Variants in ACTR3C observed in about 807,000 individuals in gnomAD.
The protein encoded by ACTR3C is actin-related protein 3C.
In ACTR3C, 18 loss-of-function variants were observed where a neutral mutation model predicts 26.3. The observed-to-expected ratio is 0.68, with a 90% CI of 0.47 to 1.01. The LOEUF is 1.01. ACTR3C is among the 50% of genes least tolerant of loss of function. The probability of loss-of-function intolerance (pLI) is 0.00; values close to 1 mark genes in which losing one functional copy is unlikely to be tolerated. For missense variants in ACTR3C, 184 were observed against 250.7 expected, an observed-to-expected ratio of 0.73 and a Z score of 1.80; for synonymous variants, 55 against 94.5, an observed-to-expected ratio of 0.58 and a Z score of 2.42.
At chr7:150,235,583 A>C in the ACTR3C span, among the ~76,000 whole-genome samples, 5 of 152,256 alleles carry the variant, frequency 3.3e-5, no homozygotes, top group East Asian at 9.6e-4. Flanking sequence ...CCTAACAGGA[A>C]TAAGGAAATC....
the ACTR3C span, among the ~76,000 whole-genome samples, chr7:150,161,930 A>G: frequency 6.6e-5 from 10 of 152,082 alleles, no homozygotes; most frequent in Non-Finnish European, 1.2e-4. Context: ...AACAAAGTCA[A>G]CAGGTTATAA....
At chr7:149,924,792 A>AT in the ACTR3C span, among the ~76,000 whole-genome samples, 458 of 151,354 alleles carry the variant, frequency 3.0e-3, 1 homozygote, top group African/African-American at 1.0e-2. Flanking sequence ...CGCCCAGCTA[A>AT]TTTTTTTGTA....
At chr7:150,048,794 GC>G in the ACTR3C span, among the ~76,000 whole-genome samples, 1 of 152,150 alleles carries the variant, frequency 6.6e-6, no homozygotes, top group Non-Finnish European at 1.5e-5. Context: ...GTCGGACGAC[GC>G]TGGTGAGGAG....
chr7:150,094,900 A>G, the ACTR3C span, among the ~76,000 whole-genome samples: 1 of 148,598 alleles, frequency 6.7e-6, no homozygotes. Context: ...AGAAAACCCT[A>G]CCCACTTCTC....
chr7:150,201,930 C>G, the ACTR3C span, among the ~76,000 whole-genome samples: 1 of 152,096 alleles, frequency 6.6e-6, no homozygotes, highest in South Asian at 2.1e-4. Flanking sequence ...TTCTGCTCTT[C>G]TTGGTAAGTG....
At chr7:150,251,474 C>T (rs1832850652) in intron 6 of ACTR3C, among the ~76,000 whole-genome samples, 1 of 151,916 alleles carries the variant, frequency 6.6e-6, no homozygotes, top group Admixed American at 6.6e-5. Flanking sequence ...AGAATTATAA[C>T]AATATTCAAC....
chr7:150,022,787 A>G, the ACTR3C span, among the ~76,000 whole-genome samples: 3 of 152,092 alleles, frequency 2.0e-5, no homozygotes, highest in East Asian at 5.8e-4. Context: ...AGTATGACCA[A>G]TTGTTTCTGT....
the ACTR3C span, among the ~76,000 whole-genome samples, chr7:150,043,919 C>T: frequency 6.6e-6 from 1 of 152,014 alleles, no homozygotes; most frequent in Admixed American, 6.6e-5. Flanking sequence ...AATGGAAAAC[C>T]AAGGTGGAGG....
the ACTR3C span, among the ~76,000 whole-genome samples, chr7:150,039,935 C>G: frequency 2.4e-4 from 32 of 132,180 alleles, no homozygotes; most frequent in African/African-American, 8.2e-4. Flanking sequence ...TGCAAAGAGC[C>G]AGGGGAGGAA....
At chr7:150,289,772 T>C (rs1255863246) in intron 3 of ACTR3C, among the ~76,000 whole-genome samples, 179 bp from the exon 4 acceptor site, 5 of 152,210 alleles carry the variant, frequency 3.3e-5, no homozygotes, top group Non-Finnish European at 7.3e-5. Flanking sequence ...GGACTGCATA[T>C]GCAATTCCAT....
the ACTR3C span, among the ~76,000 whole-genome samples, chr7:150,125,466 T>G: frequency 1.5e-5 from 2 of 134,102 alleles, no homozygotes; most frequent in African/African-American, 5.6e-5. Context: ...TCCCAGGTAC[T>G]CTGTGGGGGT....
At chr7:150,159,702 A>G in the ACTR3C span, among the ~76,000 whole-genome samples, 31 of 152,326 alleles carry the variant, frequency 2.0e-4, no homozygotes, top group African/African-American at 7.5e-4. Context: ...TACCCTGGAC[A>G]CTATTTTTCT....
At chr7:149,907,484 C>T in the ACTR3C span, among the ~76,000 whole-genome samples, 1 of 59,660 alleles carries the variant, frequency 1.7e-5, no homozygotes. Context: ...TCTCTTCTCT[C>T]TCTCTCTCTC....
At chr7:149,994,798 G>A in the ACTR3C span, among the ~76,000 whole-genome samples, 3 of 151,226 alleles carry the variant, frequency 2.0e-5, no homozygotes, top group African/African-American at 7.3e-5. Context: ...AATGAGTGAC[G>A]AAGGAAGAAG....
chr7:150,090,153 A>G, the ACTR3C span, among the ~76,000 whole-genome samples: 2 of 152,248 alleles, frequency 1.3e-5, no homozygotes, highest in African/African-American at 4.8e-5. Flanking sequence ...TGAGCTCATT[A>G]ATTCATGAGA....
At chr7:150,123,179 C>A in the ACTR3C span, among the ~76,000 whole-genome samples, 2 of 151,836 alleles carry the variant, frequency 1.3e-5, no homozygotes, top group Non-Finnish European at 2.9e-5. Context: ...CACATGTATA[C>A]CTACATAACA....
At chr7:150,081,069 T>A in the ACTR3C span, among the ~76,000 whole-genome samples, 1 of 152,130 alleles carries the variant, frequency 6.6e-6, no homozygotes, top group Non-Finnish European at 1.5e-5. Context: ...TGCTTCGTAA[T>A]AAGACAACTC....
At chr7:150,080,531 G>A in the ACTR3C span, among the ~76,000 whole-genome samples, 137 of 96,896 alleles carry the variant, frequency 1.4e-3, 3 homozygotes, top group South Asian at 0.042. Flanking sequence ...GTGTGTATGT[G>A]TGTGTGTGTG....
At chr7:150,088,054 T>C in the ACTR3C span, among the ~76,000 whole-genome samples, 223 of 152,386 alleles carry the variant, frequency 1.5e-3, 1 homozygote, top group Middle Eastern at 6.8e-3. Flanking sequence ...TTGAATTATA[T>C]AGCATTCTTA....
Sources: allele counts gnomAD v4.1 joint callset (sites outside exome capture counted in the v4.1 genomes callset), GRCh38; gene constraint gnomAD v4.1.1; transcripts MANE v1.5; gene names NCBI Gene and HGNC (gene_info 2026-07-23, HGNC 2026-07-21).